GALNT13: variants seen among roughly 807,000 people sequenced by gnomAD.
The protein encoded by GALNT13 is UDP-GalNAc:polypeptide N-acetylgalactosaminyltransferase 13.
Under a neutral mutation model 64.2 loss-of-function variants are expected in GALNT13, and 28 were observed. That is an observed-to-expected ratio of 0.44 (90% confidence interval 0.32 to 0.60). GALNT13 has a LOEUF of 0.60. Ranked by LOEUF, GALNT13 falls within the 20% of genes least tolerant of loss-of-function variation. The pLI is 0.05. For missense variants in GALNT13, 577 were observed against 669.8 expected (o/e 0.86, Z 1.53); for synonymous variants, 214 against 224.6 (o/e 0.95, Z 0.42).
At chr2:153,546,068 T>C in the GALNT13 span, among the ~76,000 whole-genome samples, 1 of 152,140 alleles carries the variant, frequency 6.6e-6, no homozygotes, top group African/African-American at 2.4e-5. Context: ...CTGGCTATGT[T>C]TTTCTCTTCT....
chr2:153,548,073 G>A, the GALNT13 span, among the ~76,000 whole-genome samples: 1 of 152,184 alleles, frequency 6.6e-6, no homozygotes, highest in African/African-American at 2.4e-5. Flanking sequence ...TTGATTAAAT[G>A]TCTGAGCCTC....
chr2:153,126,073 G>A, the GALNT13 span, among the ~76,000 whole-genome samples: 3 of 151,134 alleles, frequency 2.0e-5, no homozygotes, highest in Non-Finnish European at 2.9e-5. Flanking sequence ...TAAATTTATG[G>A]ATTAAATAAA....
At chr2:153,656,083 A>T in the GALNT13 span, among the ~76,000 whole-genome samples, 1 of 152,136 alleles carries the variant, frequency 6.6e-6, no homozygotes, top group African/African-American at 2.4e-5. Context: ...TAATTGGCTT[A>T]TGAATTAAAC....
intron 9 of GALNT13, among the ~76,000 whole-genome samples, chr2:154,315,922 C>G (rs1430908481): frequency 1.3e-5 from 2 of 151,938 alleles, no homozygotes; most frequent in Admixed American, 1.3e-4. Flanking sequence ...ACCCTATCTC[C>G]ACTAAAAATA....
chr2:154,072,022 G>A (rs1355278083), intron 3 of GALNT13, among the ~76,000 whole-genome samples: 3 of 152,038 alleles, frequency 2.0e-5, no homozygotes, highest in Admixed American at 6.6e-5. Flanking sequence ...TCAACAATAC[G>A]AATATCCAGA....
At chr2:154,274,859 G>A (rs1187341350) in intron 8 of GALNT13, among the ~76,000 whole-genome samples, 6 of 152,128 alleles carry the variant, frequency 3.9e-5, no homozygotes, top group Admixed American at 2.0e-4. Flanking sequence ...AAGACAGGAA[G>A]ATGTGGGAAA....
chr2:153,236,821 G>A, the GALNT13 span, among the ~76,000 whole-genome samples: 1 of 152,058 alleles, frequency 6.6e-6, no homozygotes, highest in Non-Finnish European at 1.5e-5. Context: ...TTACTTTCAA[G>A]TGTTATTATT....
chr2:153,697,218 T>C, the GALNT13 span, among the ~76,000 whole-genome samples: 1 of 152,204 alleles, frequency 6.6e-6, no homozygotes, highest in African/African-American at 2.4e-5. Context: ...GTTGATCCTC[T>C]AGCACCTAAT....
chr2:153,489,748 T>C, the GALNT13 span, among the ~76,000 whole-genome samples: 1 of 152,218 alleles, frequency 6.6e-6, no homozygotes, highest in South Asian at 2.1e-4. Context: ...GAATGGTTCC[T>C]AGGAACTATT....
chr2:153,446,279 C>T, the GALNT13 span, among the ~76,000 whole-genome samples: 1 of 152,156 alleles, frequency 6.6e-6, no homozygotes, highest in Admixed American at 6.5e-5. Context: ...TGAAATAAAT[C>T]ATTAAGATTC....
chr2:153,542,845 G>T, the GALNT13 span, among the ~76,000 whole-genome samples: 67 of 152,268 alleles, frequency 4.4e-4, no homozygotes, highest in African/African-American at 1.6e-3. Context: ...CTACCCCATT[G>T]CTTGTGGAGG....
chr2:153,539,294 C>T, the GALNT13 span, among the ~76,000 whole-genome samples: 3 of 151,888 alleles, frequency 2.0e-5, no homozygotes, highest in Non-Finnish European at 2.9e-5. Context: ...GGACATTAGC[C>T]CTTTGTCAGA....
At chr2:153,457,733 G>GT in the GALNT13 span, among the ~76,000 whole-genome samples, 5 of 152,140 alleles carry the variant, frequency 3.3e-5, no homozygotes, top group South Asian at 6.2e-4. Flanking sequence ...CAATTCTCCT[G>GT]TTTTTTTCTG....
chr2:153,658,183 A>G, the GALNT13 span, among the ~76,000 whole-genome samples: 8 of 152,212 alleles, frequency 5.3e-5, no homozygotes, highest in South Asian at 1.7e-3. Flanking sequence ...TAAACCATTC[A>G]TTCTACCTTC....
chr2:153,589,163 C>T, the GALNT13 span, among the ~76,000 whole-genome samples: 1 of 152,192 alleles, frequency 6.6e-6, no homozygotes, highest in Non-Finnish European at 1.5e-5. Context: ...AAAGAAATTT[C>T]TTCTGCTGGA....
At chr2:153,781,380 T>C in the GALNT13 span, among the ~76,000 whole-genome samples, 2 of 152,164 alleles carry the variant, frequency 1.3e-5, no homozygotes, top group East Asian at 1.9e-4. Context: ...TGTCCTGTTA[T>C]AAGAAAATGC....
chr2:154,077,149 T>C (rs1296663771), intron 3 of GALNT13, among the ~76,000 whole-genome samples: 2 of 151,650 alleles, frequency 1.3e-5, no homozygotes, highest in Non-Finnish European at 3.0e-5. Flanking sequence ...TATATGCTTA[T>C]TGTTTTGTGT....
the GALNT13 span, among the ~76,000 whole-genome samples, chr2:153,291,295 A>G: frequency 6.6e-6 from 1 of 152,138 alleles, no homozygotes; most frequent in Admixed American, 6.6e-5. Flanking sequence ...AGCAATTTTT[A>G]TCTTTATTAG....
chr2:153,652,098 C>T, the GALNT13 span, among the ~76,000 whole-genome samples: 1 of 152,034 alleles, frequency 6.6e-6, no homozygotes, highest in Admixed American at 6.6e-5. Context: ...TTAATCTAGT[C>T]CACTCTAAGC....
Sources: allele counts gnomAD v4.1 joint callset (sites outside exome capture counted in the v4.1 genomes callset), GRCh38; gene constraint gnomAD v4.1.1; transcripts MANE v1.5; gene names NCBI Gene and HGNC (gene_info 2026-07-23, HGNC 2026-07-21).